Variants in CNTN3 observed in about 807,000 individuals in gnomAD.
CNTN3 encodes the protein contactin-3.
CNTN3 carries 60 observed loss-of-function variants against 119.1 expected under a neutral mutation model. The ratio of observed to expected loss-of-function variants is 0.50; its 90% CI spans 0.41 to 0.62. The LOEUF (loss-of-function observed/expected upper bound fraction) is 0.62, where lower values mean the gene tolerates loss of function less well. Ranked by LOEUF, CNTN3 falls within the 20% of genes least tolerant of loss-of-function variation. CNTN3 has a pLI of 0.00. For synonymous variants in CNTN3, 450 were observed against 438.7 expected, an observed-to-expected ratio of 1.03 and a Z score of -0.32; for missense variants, 1,101 against 1,242.4, an observed-to-expected ratio of 0.89 and a Z score of 1.71.
At chr3:74,318,004 T>C (rs1301403357) in intron 13 of CNTN3, among the ~76,000 whole-genome samples, 1 of 152,230 alleles carries the variant, frequency 6.6e-6, no homozygotes, top group East Asian at 1.9e-4. Flanking sequence ...TATTTTCACA[T>C]AGTCCCGTAT....
chr3:74,277,173 A>G (rs1701899443), intron 20 of CNTN3, among the ~76,000 whole-genome samples: 1 of 152,120 alleles, frequency 6.6e-6, no homozygotes, highest in Non-Finnish European at 1.5e-5. Context: ...TCAGGAGCAG[A>G]AGGATTCACA....
At chr3:74,592,221 G>A (rs1421397117) in intron 1 of CNTN3, among the ~76,000 whole-genome samples, 1 of 151,864 alleles carries the variant, frequency 6.6e-6, no homozygotes, top group Non-Finnish European at 1.5e-5. Flanking sequence ...CACTTCTGTG[G>A]TGGCCAGATC....
chr3:74,387,048 A>AT (rs1704767980), intron 5 of CNTN3, among the ~76,000 whole-genome samples: 1 of 152,186 alleles, frequency 6.6e-6, no homozygotes, highest in Non-Finnish European at 1.5e-5. Flanking sequence ...GTGGAAAGCG[A>AT]TGCAAGCAGG....
chr3:74,313,302 T>C (rs997215050), intron 13 of CNTN3, among the ~76,000 whole-genome samples: 1 of 152,102 alleles, frequency 6.6e-6, no homozygotes, highest in Non-Finnish European at 1.5e-5. Context: ...TAATGTCAGA[T>C]ACAAAATCAC....
chr3:74,581,887 T>C (rs190384915), intron 1 of CNTN3, among the ~76,000 whole-genome samples: 1 of 152,052 alleles, frequency 6.6e-6, no homozygotes, highest in African/African-American at 2.4e-5. Context: ...AGAAAAAAAA[T>C]GAATACTTAC....
chr3:74,480,397 A>G (rs1702741660), intron 4 of CNTN3, among the ~76,000 whole-genome samples: 1 of 152,098 alleles, frequency 6.6e-6, no homozygotes, highest in Non-Finnish European at 1.5e-5. Flanking sequence ...TGTAAGCCTC[A>G]TAATAATGCA....
chr3:74,492,072 T>G (rs964658503), intron 3 of CNTN3, among the ~76,000 whole-genome samples: 2 of 152,192 alleles, frequency 1.3e-5, no homozygotes, highest in Non-Finnish European at 2.9e-5. Flanking sequence ...GATTAAACAC[T>G]GTTGCATAAT....
At chr3:74,440,381 G>A (rs1452698010) in intron 4 of CNTN3, among the ~76,000 whole-genome samples, 1 of 151,952 alleles carries the variant, frequency 6.6e-6, no homozygotes, top group African/African-American at 2.4e-5. Context: ...GTCCATTGGT[G>A]GGAGATTAAT....
intron 6 of CNTN3, 89 bp from the exon 7 acceptor site, chr3:74,370,080 T>C (rs1704300049): frequency 1.4e-6 from 1 of 704,394 alleles, no homozygotes; most frequent in Non-Finnish European, 2.4e-6. Flanking sequence ...TTTGCTCCCA[T>C]TTTGAACCAG....
intron 1 of CNTN3, among the ~76,000 whole-genome samples, chr3:74,560,883 A>G (rs914280292): frequency 6.6e-6 from 1 of 151,996 alleles, no homozygotes; most frequent in Admixed American, 6.6e-5. Flanking sequence ...AGGGACATGG[A>G]TGAAGCTGGA....
chr3:74,349,772 T>C (rs552245255), intron 11 of CNTN3, among the ~76,000 whole-genome samples: 4 of 152,342 alleles, frequency 2.6e-5, no homozygotes, highest in African/African-American at 9.6e-5. Context: ...GATTGGTCTA[T>C]GGTTAAATGC....
chr3:74,343,603 T>C (rs1448055293), intron 11 of CNTN3, among the ~76,000 whole-genome samples: 1 of 152,236 alleles, frequency 6.6e-6, no homozygotes, highest in African/African-American at 2.4e-5. Flanking sequence ...CCTCATTCTT[T>C]GGCAACTAAC....
chr3:74,522,981 G>A (rs1040929989), intron 1 of CNTN3, among the ~76,000 whole-genome samples: 7 of 151,582 alleles, frequency 4.6e-5, no homozygotes, highest in Non-Finnish European at 1.5e-5. Context: ...TTAAATATAC[G>A]AGGGAGAGAC....
intron 11 of CNTN3, among the ~76,000 whole-genome samples, chr3:74,357,417 G>A (rs1032016083): frequency 6.6e-6 from 1 of 152,018 alleles, no homozygotes; most frequent in Non-Finnish European, 1.5e-5. Context: ...CCAAGTAGCT[G>A]GGATTACAGT....
chr3:74,582,586 T>C (rs930322105), intron 1 of CNTN3, among the ~76,000 whole-genome samples: 2 of 152,104 alleles, frequency 1.3e-5, no homozygotes, highest in African/African-American at 2.4e-5. Flanking sequence ...AATTAGCATA[T>C]GAAAAGAGGC....
chr3:74,359,147 C>A (rs1704018970), intron 11 of CNTN3, among the ~76,000 whole-genome samples: 1 of 152,098 alleles, frequency 6.6e-6, no homozygotes, highest in Non-Finnish European at 1.5e-5. Context: ...ACAGCAGGGC[C>A]TGCATCCCTG....
intron 1 of CNTN3, among the ~76,000 whole-genome samples, chr3:74,601,395 C>T (rs1442024378): frequency 1.3e-5 from 2 of 152,070 alleles, no homozygotes; most frequent in Non-Finnish European, 2.9e-5. Flanking sequence ...AAATACATAT[C>T]TGAGTTCTTT....
chr3:74,306,495 C>T lies in CNTN3; in HGVS notation c.1669-3688G>A, dbSNP rs199969332. 2.0e-5 allele frequency among the ~76,000 whole-genome samples: 3 copies of T among 152,040 alleles called. No individual in the cohort carries two copies. In the East Asian group the frequency reaches 5.8e-4, roughly 29 times the overall value. ...ATTATTTTCCTAAACTTCCTTTTTCCCCACCTCCTCAAGCAGGAAGGGACC... is the reference window on the plus strand; with the variant it reads ...ATTATTTTCCTAAACTTCCTTTTTCTCCACCTCCTCAAGCAGGAAGGGACC... On this transcript the variant is annotated intron_variant, in intron 13 of 22. Transcript: ENST00000263665.
intron 1 of CNTN3, among the ~76,000 whole-genome samples, chr3:74,574,316 T>C (rs1010070581): frequency 6.6e-6 from 1 of 152,162 alleles, no homozygotes; most frequent in African/African-American, 2.4e-5. Flanking sequence ...TGATTGCTAA[T>C]GGGTATGGGT....
Sources: allele counts gnomAD v4.1 joint callset (sites outside exome capture counted in the v4.1 genomes callset), GRCh38; gene constraint gnomAD v4.1.1; transcripts MANE v1.5; gene names NCBI Gene and HGNC (gene_info 2026-07-23, HGNC 2026-07-21).